Variants in SCGN observed in about 807,000 individuals in gnomAD.
SCGN encodes the protein secretagogin, EF-hand calcium binding protein, also known as secretagogin.
SCGN carries 30 observed loss-of-function variants against 39.7 expected under a neutral mutation model. The observed-to-expected ratio is 0.76, with a 90% confidence interval of 0.57 to 1.03. The LOEUF is 1.03. Among genes scored for constraint, SCGN ranks in the 50% least tolerant of loss-of-function variants. The probability of loss-of-function intolerance (pLI) is 0.00; values close to 1 mark genes in which losing one functional copy is unlikely to be tolerated. For missense variants in SCGN, 353 were observed against 349.4 expected, an observed-to-expected ratio of 1.01 and a Z score of -0.08; for synonymous variants, 106 against 114.1, an observed-to-expected ratio of 0.93 and a Z score of 0.45.
At position 25,658,880 on chromosome 6, in the gene SCGN, G is replaced by T. The variant is rs567340525; in HGVS notation, c.154-2672G>T. Among the ~76,000 whole-genome samples the T allele has an allele frequency of 2.6e-5, 4 of 152,298 alleles. No homozygotes were observed. The South Asian group carries it at 8.3e-4, about 32-fold the overall frequency. On this transcript the variant is annotated intron_variant, in intron 2 of 10. Transcript: ENST00000377961. ...TTTGTGTATGATTGAACAGGGAAGA[G>T]GCAAACTACTGACTGACATGAAACT...
chr6:25,682,437 G>C (rs1040564754), intron 7 of SCGN, among the ~76,000 whole-genome samples: 2 of 152,178 alleles, frequency 1.3e-5, no homozygotes, highest in South Asian at 2.1e-4. Context: ...CCTCAGGGAG[G>C]CACCAAGTGT....
In SCGN at chr6:25,665,098, G is replaced by C. The variant is rs138371055; in HGVS notation, c.336+66G>C. 557 of 1,230,396 alleles carry C rather than the reference G, an allele frequency of 4.5e-4. 8 individuals are homozygous for C. In the East Asian group the frequency reaches 0.011, roughly 23 times the overall value. The allele number at this position is 1,230,396 out of a possible 1,614,324, so 76.2% of individuals were successfully genotyped here. On this transcript the variant is annotated intron_variant, in intron 4 of 10. Transcript: ENST00000377961. ...GACAAGGCTACGATCTTAGCCACCT[G>C]CTGTGGCTGCCACCACTCCTGCCCA...
intron 6 of SCGN, among the ~76,000 whole-genome samples, chr6:25,675,897 A>G (rs1002913084): frequency 2.0e-5 from 3 of 152,194 alleles, no homozygotes; most frequent in African/African-American, 7.2e-5. Flanking sequence ...CTTGATTTAT[A>G]TGTCTGATTC....
chr6:25,667,028 G>T (rs915052226), intron 4 of SCGN, among the ~76,000 whole-genome samples: 1 of 152,042 alleles, frequency 6.6e-6, no homozygotes, highest in Non-Finnish European at 1.5e-5. Context: ...AGTGTATGTT[G>T]TAGAAACATG....
At chr6:25,685,394 A>ATGTG (rs1196413460) in intron 7 of SCGN, among the ~76,000 whole-genome samples, 2 of 152,232 alleles carry the variant, frequency 1.3e-5, no homozygotes, top group African/African-American at 4.8e-5. Context: ...CCCAAGTAAT[A>ATGTG]TGTGCTGTGA....
At chr6:25,680,732 G>A (rs969860113) in intron 6 of SCGN, among the ~76,000 whole-genome samples, 7 of 152,150 alleles carry the variant, frequency 4.6e-5, no homozygotes, top group Non-Finnish European at 1.0e-4. Flanking sequence ...ACTGTATAGT[G>A]TTTATGTTTA....
At chr6:25,653,283 G>A in intron 1 of SCGN, 99 bp from the exon 2 acceptor site, 1 of 828,340 alleles carries the variant, frequency 1.2e-6, no homozygotes, top group Non-Finnish European at 1.9e-6. Flanking sequence ...AGTGTTGAGG[G>A]AAGCTTTATG....
At position 25,689,494 on chromosome 6, in the gene SCGN, A is replaced by G; in HGVS notation, c.595A>G (p.Lys199Glu). The G allele has an allele frequency of 6.2e-7, 1 of 1,613,528 alleles. No individual in the cohort carries two copies. Among genetic ancestry groups the G allele is most frequent in the South Asian group, 1.1e-5 (1 of 91,046 alleles). Reference sequence around the variant, plus strand: ...ACAGGCTTGTTCTACTGAAGAAAGGAAAAGGGACTTTGAGAAAATCTTTGC... The same window carrying G: ...ACAGGCTTGTTCTACTGAAGAAAGGGAAAGGGACTTTGAGAAAATCTTTGC... ...KMDACSTEER[K>E]RDFEKIFAYY... is the part of the protein sequence containing the mutation. Residue 199 changes from lysine to glutamate, a missense_variant, in exon 9 of 11, where the codon AAA becomes GAA. By Grantham distance (56) the Lys-to-Glu change is moderately conservative. Coordinates refer to ENST00000377961, the MANE Select transcript of SCGN (RefSeq NM_006998.4).
chr6:25,688,694 T>C (rs1759735838), intron 7 of SCGN, among the ~76,000 whole-genome samples: 1 of 150,202 alleles, frequency 6.7e-6, no homozygotes, highest in Non-Finnish European at 1.5e-5. Context: ...CCCAGCTACT[T>C]GGGAGGCTGA....
rs1391220229 is a variant in SCGN, at chr6:25,689,359, G to A, written c.574-114G>A. 5.1e-6 allele frequency: 6 copies of A among 1,174,156 alleles called. 1 individual carries two copies. The highest frequency in any genetic ancestry group is 1.9e-5 in the Admixed American group (1 of 52,690). The allele number at this position is 1,174,156 out of a possible 1,614,324, so 72.7% of individuals were successfully genotyped here. The stretch of plus-strand genomic sequence containing the variant: ...CAGACAAGGATCAGCATGGAATCAA[G>A]GGATCTTAAAGGTCATTGACTCAAA... On this transcript the variant is annotated intron_variant, in intron 8 of 10. Coordinates refer to ENST00000377961, the MANE Select transcript of SCGN (RefSeq NM_006998.4).
chr6:25,670,024 A>G lies in SCGN; in HGVS notation c.419A>G (p.His140Arg), dbSNP rs1561764231. 7 of 1,613,724 alleles carry G rather than the reference A, an allele frequency of 4.3e-6. No homozygotes were observed. The highest frequency in any genetic ancestry group is 5.9e-6 in the Non-Finnish European group (7 of 1,179,802). ...AACTTCCTCCGAGACCTCTTTCTTC[A>G]CCACAAAAAGGCCATTTCTGAGGCT... is the stretch of plus-strand genomic sequence containing the variant. ...LRNFLRDLFL[H>R]HKKAISEAKL... Residue 140 changes from histidine to arginine, a missense_variant, in exon 6 of 11, where the codon CAC becomes CGC. Physicochemically the swap from His to Arg is conservative, Grantham distance 29. Coordinates refer to ENST00000377961, the MANE Select transcript of SCGN (RefSeq NM_006998.4).
chr6:25,700,231 G>A (rs1451250023), intron 10 of SCGN, among the ~76,000 whole-genome samples: 1 of 92,100 alleles, frequency 1.1e-5, no homozygotes, highest in Non-Finnish European at 2.0e-5. Flanking sequence ...GGACGGCTGC[G>A]ACTTCGTCTC....
chr6:25,653,564 A>G (rs748354475), intron 2 of SCGN, 112 bp downstream of exon 2: 78 of 752,150 alleles, frequency 1.0e-4, no homozygotes, highest in Non-Finnish European at 1.7e-4. Context: ...TCTTCCTTGC[A>G]TGTATGTAAT....
Position 25,681,892 on chromosome 6 carries a change from A to G in SCGN, c.472-59A>G, listed in dbSNP as rs1018599240. On this transcript the variant is annotated intron_variant, in intron 6 of 10. Transcript: ENST00000377961. ...GAAGAGCAAAATAGAAAAGTGCTTT[A>G]ATAACGTTCAGAATTAGTTCCTGTT... The G allele has an allele frequency of 2.8e-6, 4 of 1,422,598 alleles. No homozygotes were observed. The South Asian group carries it at 3.5e-5, about 12-fold the overall frequency. 88.1% of individuals were successfully genotyped at this position (1,422,598 alleles called of 1,614,324 possible). A position where few individuals can be genotyped will look rare whatever the true frequency, so the allele number is the denominator to read the frequency against.
chr6:25,682,189 A>G (rs1159501202), intron 7 of SCGN, among the ~76,000 whole-genome samples, 183 bp downstream of exon 7: 2 of 152,216 alleles, frequency 1.3e-5, no homozygotes, highest in Non-Finnish European at 2.9e-5. Context: ...TTGTGAAGAT[A>G]ATGAAAATTC....
At chr6:25,659,112 A>C (rs980518683) in intron 2 of SCGN, among the ~76,000 whole-genome samples, 1 of 152,234 alleles carries the variant, frequency 6.6e-6, no homozygotes, top group African/African-American at 2.4e-5. Context: ...GAGGTCTAGC[A>C]TAATGCCCAG....
intron 1 of SCGN, 151 bp downstream of exon 1, chr6:25,652,636 G>T (rs1333095324): frequency 1.6e-6 from 1 of 632,690 alleles, no homozygotes; most frequent in South Asian, 2.0e-5. Flanking sequence ...ATTAACAGAC[G>T]TTTGGCATAC....
chr6:25,690,131 G>A (rs992663961), intron 9 of SCGN, among the ~76,000 whole-genome samples: 1 of 152,200 alleles, frequency 6.6e-6, no homozygotes, highest in African/African-American at 2.4e-5. Context: ...GCAGAAAACA[G>A]TATCACCTGG....
chr6:25,671,812 T>G (rs537993888), intron 6 of SCGN, among the ~76,000 whole-genome samples: 6 of 151,694 alleles, frequency 4.0e-5, no homozygotes, highest in Admixed American at 1.4e-4. Context: ...AGGTGGTTTT[T>G]CTAGTTCAGC....
Sources: allele counts gnomAD v4.1 joint callset (sites outside exome capture counted in the v4.1 genomes callset), GRCh38; gene constraint gnomAD v4.1.1; transcripts MANE v1.5; gene names NCBI Gene and HGNC (gene_info 2026-07-23, HGNC 2026-07-21).